TRMT2B: variants seen among roughly 807,000 people sequenced by gnomAD.
TRMT2B encodes the protein tRNA (uracil-5-)-methyltransferase homolog B.
In TRMT2B, 34 loss-of-function variants were observed where a neutral mutation model predicts 39.7. The ratio of observed to expected loss-of-function variants is 0.86; its 90% CI spans 0.65 to 1.14. The LOEUF is 1.14. TRMT2B is among the 50% of genes most tolerant of loss of function. TRMT2B has a pLI of 0.00. For missense variants in TRMT2B, 318 were observed against 377.2 expected (o/e 0.84, Z 1.30); for synonymous variants, 132 against 137.3 (o/e 0.96, Z 0.27).
At chrX:101,038,674 C>T (rs1250773259) in intron 4 of TRMT2B, among the ~76,000 whole-genome samples, 1 of 112,233 alleles carries the variant, frequency 8.9e-6, no homozygotes, top group African/African-American at 3.2e-5. Flanking sequence ...CTGTGTTCTA[C>T]GTATACAGTG....
chrX:101,004,024 CA>C, the TRMT2B span, among the ~76,000 whole-genome samples: 1 of 110,228 alleles, frequency 9.1e-6, no homozygotes, highest in African/African-American at 3.3e-5. Context: ...TTTTTTGAGA[CA>C]GGGTCTTGCT....
intron 10 of TRMT2B, 29 bp from the exon 11 acceptor site, chrX:101,020,617 G>C (rs762583492): frequency 9.3e-7 from 1 of 1,070,005 alleles, no homozygotes; most frequent in East Asian, 3.0e-5. Context: ...AGAAGAAGAA[G>C]GCATTTTAGG....
At chrX:100,976,501 G>A in the TRMT2B span, among the ~76,000 whole-genome samples, 2 of 111,479 alleles carry the variant, frequency 1.8e-5, no homozygotes, top group African/African-American at 6.5e-5. Flanking sequence ...AATGTCTCAG[G>A]CCACCTCTGT....
At chrX:100,988,695 T>C in the TRMT2B span, 1 of 361,076 alleles carries the variant, frequency 2.8e-6, no homozygotes, top group Non-Finnish European at 4.0e-6. Context: ...CACCTTCCTG[T>C]AGGAAGGGTG....
rs368319173 is a variant in TRMT2B, at chrX:101,010,561, G to A, written c.*20C>T. Reference sequence around the variant, plus strand: ...AAACTTCAGCCTTAACAAATAGCCTGCTGTCTTCTAGGAGGCTGCTTATCG... The same window carrying A: ...AAACTTCAGCCTTAACAAATAGCCTACTGTCTTCTAGGAGGCTGCTTATCG... On this transcript the variant is annotated 3_prime_UTR_variant, in exon 14 of 14. Coordinates refer to ENST00000372936, the MANE Select transcript of TRMT2B (RefSeq NM_024917.6). The A allele has an allele frequency of 5.8e-6, 7 of 1,207,057 alleles. No homozygotes were observed. The African/African-American group carries it at 1.2e-4, about 21-fold the overall frequency.
chrX:101,018,812 G>GC (rs781276165), intron 13 of TRMT2B, among the ~76,000 whole-genome samples, 159 bp downstream of exon 13: 1 of 111,836 alleles, frequency 8.9e-6, no homozygotes, highest in Non-Finnish European at 1.9e-5. Flanking sequence ...CCCTGACCCA[G>GC]CCCTGTAATT....
the TRMT2B span, among the ~76,000 whole-genome samples, chrX:100,984,281 GTTGTTTT>G: frequency 9.2e-6 from 1 of 108,976 alleles, no homozygotes; most frequent in Non-Finnish European, 1.9e-5. Context: ...ACCCGGCTAA[GTTGTTTT>G]TTGTTTTTTT....
intron 7 of TRMT2B, among the ~76,000 whole-genome samples, chrX:101,027,752 C>G (rs1469075858): frequency 9.0e-6 from 1 of 110,988 alleles, no homozygotes; most frequent in Non-Finnish European, 1.9e-5. Context: ...TCTTGAACCC[C>G]AGTCGAATAT....
chrX:101,037,237 A>G (rs1219273804), intron 5 of TRMT2B, 164 bp from the exon 6 acceptor site: 3 of 434,870 alleles, frequency 6.9e-6, no homozygotes, highest in Non-Finnish European at 1.2e-5. Context: ...AAGACAGTCC[A>G]TAGAAGGGGA....
chrX:100,981,668 G>T, the TRMT2B span, among the ~76,000 whole-genome samples: 1 of 107,717 alleles, frequency 9.3e-6, no homozygotes, highest in Non-Finnish European at 1.9e-5. Flanking sequence ...AATTAGCCAG[G>T]TATGGTGACA....
intron 7 of TRMT2B, among the ~76,000 whole-genome samples, chrX:101,035,203 A>G (rs1362442205): frequency 2.7e-5 from 3 of 111,171 alleles, no homozygotes; most frequent in Non-Finnish European, 3.8e-5. Flanking sequence ...AAAGAAAGAA[A>G]GAAAAAAACG....
In TRMT2B at chrX:101,010,348, G is replaced by A; in HGVS notation, c.*233C>T. 9 of 320,950 alleles carry A rather than the reference G, an allele frequency of 2.8e-5. No homozygotes were observed. Among genetic ancestry groups the A allele is most frequent in the South Asian group, 8.5e-5 (1 of 11,805 alleles). The allele number at this position is 320,950 out of a possible 1,213,427, so 26.4% of individuals were successfully genotyped here. ...AATCACTTGAACCCGGGAGGCGGAGGTTGCAGTGAGCTGAGATCACGCCAC... is the reference window on the plus strand; with the variant it reads ...AATCACTTGAACCCGGGAGGCGGAGATTGCAGTGAGCTGAGATCACGCCAC... On this transcript the variant is annotated 3_prime_UTR_variant, in exon 14 of 14. Transcript: ENST00000372936.
intron 7 of TRMT2B, among the ~76,000 whole-genome samples, chrX:101,033,805 A>G (rs919356940): frequency 1.3e-4 from 14 of 110,280 alleles, no homozygotes; most frequent in Non-Finnish European, 2.1e-4. Flanking sequence ...CCTTTTAACT[A>G]TGAAAGCGGG....
At chrX:101,026,907 A>G in intron 7 of TRMT2B, among the ~76,000 whole-genome samples, 1 of 111,439 alleles carries the variant, frequency 9.0e-6, no homozygotes, top group Non-Finnish European at 1.9e-5. Context: ...TTACTCTCCC[A>G]TTTTAAGCAG....
intron 2 of TRMT2B, among the ~76,000 whole-genome samples, chrX:101,050,353 C>A (rs756283949): frequency 9.1e-6 from 1 of 110,034 alleles, no homozygotes; most frequent in Non-Finnish European, 1.9e-5. Context: ...AAGGTGAGTT[C>A]TGTTTCTTTC....
At chrX:100,992,206 G>GA in the TRMT2B span, among the ~76,000 whole-genome samples, 4 of 104,938 alleles carry the variant, frequency 3.8e-5, no homozygotes, top group African/African-American at 3.4e-5. Context: ...TGGGGGTGAG[G>GA]AAAAAAAAAA....
chrX:101,045,390 G>T (rs1173661389), intron 2 of TRMT2B, among the ~76,000 whole-genome samples: 2 of 104,632 alleles, frequency 1.9e-5, no homozygotes, highest in African/African-American at 7.0e-5. Flanking sequence ...GGAGGCGGAG[G>T]TTGCGGTGAG....
At chrX:101,015,571 C>A (rs184901955) in intron 13 of TRMT2B, 19 of 654,318 alleles carry the variant, frequency 2.9e-5, no homozygotes, top group Middle Eastern at 8.8e-4. Flanking sequence ...CTTTTCATAT[C>A]CTCGGTTCAT....
At position 101,051,596 on chromosome X, in the gene TRMT2B, G is replaced by C; in HGVS notation, c.-369C>G. On this transcript the variant is annotated 5_prime_UTR_variant, in exon 2 of 14. Transcript: ENST00000372936. ...AGGGCCCGGGAAGGACAGAAAGTAA[G>C]GGAGTGGGAGGAGTTAGGGCACAGG... 2.6e-6 allele frequency: 2 copies of C among 754,877 alleles called. No homozygotes were observed. Among genetic ancestry groups the C allele is most frequent in the African/African-American group, 4.5e-5 (2 of 43,970 alleles). 62.2% of individuals were successfully genotyped at this position (754,877 alleles called of 1,213,427 possible). A position where few individuals can be genotyped will look rare whatever the true frequency, so the allele number is the denominator to read the frequency against.
Sources: allele counts gnomAD v4.1 joint callset (sites outside exome capture counted in the v4.1 genomes callset), GRCh38; gene constraint gnomAD v4.1.1; transcripts MANE v1.5; gene names NCBI Gene and HGNC (gene_info 2026-07-23, HGNC 2026-07-21).